SIK2: variants seen among roughly 807,000 people sequenced by gnomAD.
The protein encoded by SIK2 is serine/threonine-protein kinase SIK2.
In SIK2, 29 loss-of-function variants were observed where a neutral mutation model predicts 103.2. The observed-to-expected ratio is 0.28, with a 90% CI of 0.21 to 0.38. The LOEUF (loss-of-function observed/expected upper bound fraction) is 0.38, where lower values mean the gene tolerates loss of function less well. Ranked by LOEUF, SIK2 falls within the 10% of genes least tolerant of loss-of-function variation. SIK2 has a pLI of 1.00. For synonymous variants in SIK2, 412 were observed against 446.1 expected, an observed-to-expected ratio of 0.92 and a Z score of 0.96; for missense variants, 879 against 1,171.0, an observed-to-expected ratio of 0.75 and a Z score of 3.64.
At position 111,703,189 on chromosome 11, in the gene SIK2, T is replaced by A. The variant is rs1272250663; in HGVS notation, c.728-14T>A. On this transcript the variant is annotated splice_polypyrimidine_tract_variant and intron_variant, in intron 6 of 14. Coordinates refer to ENST00000304987, the MANE Select transcript of SIK2 (RefSeq NM_015191.3). ...GTGATTCTTGTGACTTTTGTAACAT[T>A]GTGTTTTCTATAGATTGCGAGCACC... 2 of 1,612,342 alleles carry A rather than the reference T, an allele frequency of 1.2e-6. No homozygotes were observed. Among genetic ancestry groups the A allele is most frequent in the South Asian group, 2.2e-5 (2 of 91,022 alleles).
intron 8 of SIK2, among the ~76,000 whole-genome samples, chr11:111,709,347 T>G (rs1943435840): frequency 6.6e-6 from 1 of 152,212 alleles, no homozygotes; most frequent in Non-Finnish European, 1.5e-5. Context: ...TCTCCAGATA[T>G]AGCCACATTA....
intron 1 of SIK2, among the ~76,000 whole-genome samples, chr11:111,608,873 A>G (rs754791608): frequency 5.9e-5 from 9 of 152,212 alleles, no homozygotes; most frequent in Non-Finnish European, 1.2e-4. Flanking sequence ...GTAGGATGCC[A>G]AATTACCCTC....
chr11:111,659,807 AAT>A (rs10602796), intron 3 of SIK2, among the ~76,000 whole-genome samples: 1,786 of 152,294 alleles, frequency 0.012, 42 homozygotes, highest in African/African-American at 0.04. Flanking sequence ...TTGGCTAAGA[AAT>A]GAGGAAATGT....
At chr11:111,648,510 C>A (rs145845981) in intron 3 of SIK2, among the ~76,000 whole-genome samples, 9 of 152,230 alleles carry the variant, frequency 5.9e-5, no homozygotes, top group African/African-American at 1.9e-4. Flanking sequence ...AAGGCCACAC[C>A]TCCTAATATA....
intron 3 of SIK2, among the ~76,000 whole-genome samples, chr11:111,656,441 GT>G (rs1942392710): frequency 6.6e-6 from 1 of 152,064 alleles, no homozygotes; most frequent in Admixed American, 6.6e-5. Flanking sequence ...TTATGTTTTG[GT>G]TATTATATGA....
chr11:111,661,898 C>T (rs915572611), intron 3 of SIK2, among the ~76,000 whole-genome samples: 43 of 152,202 alleles, frequency 2.8e-4, no homozygotes, highest in Admixed American at 2.7e-3. Context: ...CCTCCCATGA[C>T]ATGTTGGGAT....
chr11:111,721,877 C>A lies in SIK2; in HGVS notation c.1992C>A (p.Ser664Arg). 6.2e-7 allele frequency: 1 copy of A among 1,612,908 alleles called. No individual in the cohort carries two copies. Among genetic ancestry groups the A allele is most frequent in the Non-Finnish European group, 8.5e-7 (1 of 1,179,398 alleles). The stretch of plus-strand genomic sequence containing the variant: ...AAAGCGTCTCCACTCTCCCTGCCAG[C>A]GTGCATCCCCAGCTGTCCCCACGGC... ...QQESVSTLPA[S>R]VHPQLSPRQS... is the part of the protein sequence containing the mutation. Residue 664 changes from serine (S) to arginine (R), a missense_variant, in exon 13 of 15, where the codon AGC becomes AGA. Around this residue, in one of 7 missense-constraint regions of SIK2, gnomAD observed 375 missense variants for 416.3 expected, o/e 0.90. Coordinates refer to ENST00000304987, the MANE Select transcript of SIK2 (RefSeq NM_015191.3).
intron 3 of SIK2, among the ~76,000 whole-genome samples, chr11:111,660,839 C>CTTTTTTTTTTTT (rs57174726): frequency 2.2e-5 from 2 of 90,398 alleles, no homozygotes; most frequent in Non-Finnish European, 4.1e-5. Context: ...GTGAAGTTGG[C>CTTTTTTTTTTTT]TTTTTTTTTT....
chr11:111,718,446 A>G (rs1044141683), intron 9 of SIK2, among the ~76,000 whole-genome samples: 6 of 152,206 alleles, frequency 3.9e-5, no homozygotes, highest in Non-Finnish European at 8.8e-5. Flanking sequence ...GTGGAAAGGA[A>G]GCATTTACCA....
intron 12 of SIK2, among the ~76,000 whole-genome samples, chr11:111,721,409 A>C (rs1440700096): frequency 6.6e-6 from 1 of 152,222 alleles, no homozygotes; most frequent in Non-Finnish European, 1.5e-5. Flanking sequence ...AACTACACCC[A>C]AATGAGAAGC....
intron 9 of SIK2, among the ~76,000 whole-genome samples, chr11:111,717,317 CAAAAAAAA>C (rs34473568): frequency 2.2e-4 from 11 of 49,464 alleles, no homozygotes; most frequent in African/African-American, 4.4e-4. Flanking sequence ...GACTCCGTCT[CAAAAAAAA>C]AAAAAAAAAA....
Position 111,602,812 on chromosome 11 carries a change from T to C in SIK2, c.135+114T>C, listed in dbSNP as rs945017564. ...GGGGAGACCCGAGAGGCCGCCTCACTGGCGGAGGCGAGCGGGCCTGGGACT... is the reference window on the plus strand; with the variant it reads ...GGGGAGACCCGAGAGGCCGCCTCACCGGCGGAGGCGAGCGGGCCTGGGACT... On this transcript the variant is annotated intron_variant, in intron 1 of 14. Transcript: ENST00000304987. The surrounding 1 kb of genome is among the most constrained non-coding windows in gnomAD (Gnocchi z 4.5). 26 of 1,363,126 alleles carry C rather than the reference T, an allele frequency of 1.9e-5. No individual in the cohort carries two copies. Among genetic ancestry groups the C allele is most frequent in the Non-Finnish European group, 2.5e-5 (26 of 1,055,456 alleles). The allele number at this position is 1,363,126 out of a possible 1,614,324, so 84.4% of individuals were successfully genotyped here.
chr11:111,698,571 G>C (rs777185936), intron 4 of SIK2, among the ~76,000 whole-genome samples: 4 of 152,194 alleles, frequency 2.6e-5, no homozygotes, highest in Admixed American at 6.5e-5. Context: ...GCAAATCCCT[G>C]TCTCTACTAA....
intron 1 of SIK2, among the ~76,000 whole-genome samples, chr11:111,603,070 G>T (rs1402229025): frequency 6.6e-6 from 1 of 152,056 alleles, no homozygotes; most frequent in African/African-American, 2.4e-5. Flanking sequence ...TTCGGCTGGG[G>T]GTGGGGTGGG....
At chr11:111,621,680 C>T (rs1234463224) in intron 3 of SIK2, among the ~76,000 whole-genome samples, 2 of 152,076 alleles carry the variant, frequency 1.3e-5, no homozygotes, top group Non-Finnish European at 2.9e-5. Context: ...TTTAGGAGGT[C>T]AAGGTGGGTG....
intron 3 of SIK2, among the ~76,000 whole-genome samples, chr11:111,626,630 A>G (rs1465465962): frequency 6.6e-6 from 1 of 151,630 alleles, no homozygotes; most frequent in East Asian, 1.9e-4. Context: ...CATTTTCTTC[A>G]GAATTGTCTT....
chr11:111,662,958 C>T (rs1942486790), intron 3 of SIK2, among the ~76,000 whole-genome samples: 1 of 151,876 alleles, frequency 6.6e-6, no homozygotes, highest in Non-Finnish European at 1.5e-5. Context: ...AGGGGCCAGG[C>T]ACAGTGGCTC....
rs1187998536 is a variant in SIK2, at chr11:111,602,586, G to A, written c.23G>A (p.Arg8Lys). 3 of 1,530,862 alleles carry A rather than the reference G, an allele frequency of 2.0e-6. No homozygotes were observed. The highest frequency in any genetic ancestry group is 2.4e-5 in the South Asian group (2 of 82,426). The allele number at this position is 1,530,862 out of a possible 1,614,324, so 94.8% of individuals were successfully genotyped here. The stretch of plus-strand genomic sequence containing the variant: ...AGCATGGTCATGGCGGATGGCCCGA[G>A]GCACTTGCAGCGCGGGCCGGTCCGG... MVMADGPRHLQRGPVRVG... is the reference protein window; with the variant it reads MVMADGPKHLQRGPVRVG... Residue 8 changes from arginine (R) to lysine (K), a missense_variant, in exon 1 of 15, where the codon AGG (arginine) becomes AAG (lysine). By Grantham distance (26) the Arg-to-Lys change is conservative. This residue lies in a region of SIK2 where 47 missense variants were observed against 43.9 expected (regional missense o/e 1.07). Coordinates refer to ENST00000304987, the MANE Select transcript of SIK2 (RefSeq NM_015191.3). This position sits in a 1 kb window ranked among gnomAD's most constrained non-coding sequence, Gnocchi z 4.5.
chr11:111,681,055 T>C (rs1002286451), intron 3 of SIK2, among the ~76,000 whole-genome samples: 31 of 152,156 alleles, frequency 2.0e-4, no homozygotes, highest in African/African-American at 7.2e-4. Flanking sequence ...TTGATAACAT[T>C]GCAGTGGCAG....
Sources: gnomAD v4.1 joint callset for allele counts (sites outside exome capture counted in the v4.1 genomes callset) on GRCh38, gnomAD v4.1.1 for gene constraint, gnomAD v4.1.1 regional missense constraint, Gnocchi (gnomAD v3.1) non-coding constraint, MANE v1.5 for transcripts, NCBI Gene and HGNC (gene_info 2026-07-23, HGNC 2026-07-21) for gene names.